The following WDR70 variants were observed in gnomAD, a reference collection of about 807,000 sequenced individuals.
WDR70 encodes the protein WD repeat domain 70, also known as WD repeat-containing protein 70.
In WDR70, 53 loss-of-function variants were observed where a neutral mutation model predicts 88.6. That is an observed-to-expected ratio of 0.60 (90% CI 0.48 to 0.75). WDR70 has a LOEUF of 0.75. WDR70 is among the 30% of genes least tolerant of loss of function. The pLI, the probability that WDR70 is intolerant of heterozygous loss-of-function variation, is 0.00. For synonymous variants in WDR70, 280 were observed against 270.0 expected (o/e 1.04, Z -0.36); for missense variants, 610 against 823.2 (o/e 0.74, Z 3.17).
rs1056689809 is a variant in WDR70, at chr5:37,623,594, C to A, written c.1092+18356C>A. Among the ~76,000 whole-genome samples the A allele has an allele frequency of 3.9e-5, 6 of 152,086 alleles. No homozygotes were observed. The East Asian group carries it at 1.2e-3, about 29-fold the overall frequency. Reference sequence around the variant, plus strand: ...GGAACTTTTATACTATTTCATAGAGCTCAAGTTAATACCAGCTATTATGAG... The same window carrying A: ...GGAACTTTTATACTATTTCATAGAGATCAAGTTAATACCAGCTATTATGAG... On this transcript the variant is annotated intron_variant, in intron 10 of 17. Coordinates refer to ENST00000265107, the MANE Select transcript of WDR70 (RefSeq NM_018034.4).
Position 37,605,212 on chromosome 5 carries a change from A to G in WDR70, c.1066A>G (p.Ile356Val), listed in dbSNP as rs1162819984. The change falls in exon 10 of 18, where the codon ATA (isoleucine) becomes GTA (valine). Residue 356 changes from isoleucine (I) to valine (V), a missense_variant. By Grantham distance (29) the Ile-to-Val change is conservative. Coordinates refer to ENST00000265107, the MANE Select transcript of WDR70 (RefSeq NM_018034.4). ...AGCAGCTGCCTGCCAGAATGGAAGC[A>G]TACAGATCTGGGACCGAAATTTGAC... ...LIAAACQNGS[I>V]QIWDRNLTVH... 1.9e-6 allele frequency: 3 copies of G among 1,606,568 alleles called. No homozygotes were observed. The highest frequency in any genetic ancestry group is 2.5e-6 in the Non-Finnish European group (3 of 1,176,564).
intron 17 of WDR70, among the ~76,000 whole-genome samples, chr5:37,729,781 G>A (rs1748091578): frequency 6.6e-6 from 1 of 152,132 alleles, no homozygotes; most frequent in African/African-American, 2.4e-5. Flanking sequence ...TTTTTGGAGT[G>A]TGTGAAATAT....
At chr5:37,540,741 A>G (rs1444414627) in intron 9 of WDR70, among the ~76,000 whole-genome samples, 1 of 152,212 alleles carries the variant, frequency 6.6e-6, no homozygotes, top group Non-Finnish European at 1.5e-5. Context: ...ATAATTTTAA[A>G]ATGTATTCTT....
At chr5:37,623,173 A>G (rs1295507957) in intron 10 of WDR70, among the ~76,000 whole-genome samples, 2 of 152,174 alleles carry the variant, frequency 1.3e-5, no homozygotes, top group African/African-American at 4.8e-5. Flanking sequence ...CTTTCTCACT[A>G]TGAGATTCAC....
chr5:37,614,267 C>T (rs1045373413), intron 10 of WDR70, among the ~76,000 whole-genome samples: 2 of 152,118 alleles, frequency 1.3e-5, no homozygotes, highest in African/African-American at 2.4e-5. Context: ...TTGTTGAGTC[C>T]TTCTTATGTC....
chr5:37,704,421 A>T (rs1454989665), intron 13 of WDR70, among the ~76,000 whole-genome samples: 1 of 152,234 alleles, frequency 6.6e-6, no homozygotes, highest in East Asian at 1.9e-4. Flanking sequence ...GGATGTAGAC[A>T]TATGATTGCA....
Position 37,752,603 on chromosome 5 carries a change from G to A in WDR70, c.*30G>A, listed in dbSNP as rs1304906728. The A allele has an allele frequency of 1.3e-6, 2 of 1,525,912 alleles. No individual in the cohort carries two copies. The highest frequency in any genetic ancestry group is 1.8e-6 in the Non-Finnish European group (2 of 1,105,816). 94.5% of individuals were successfully genotyped at this position (1,525,912 alleles called of 1,614,324 possible). On this transcript the variant is annotated 3_prime_UTR_variant, in exon 18 of 18. Transcript: ENST00000265107. ...TCTCATTTGAGAGCTGTTTGCATGAGTGGGAGGGGTATGGGACAGGTTTGG... is the reference window on the plus strand; with the variant it reads ...TCTCATTTGAGAGCTGTTTGCATGAATGGGAGGGGTATGGGACAGGTTTGG...
chr5:37,580,145 G>A (rs1743177900), intron 9 of WDR70, among the ~76,000 whole-genome samples: 1 of 152,066 alleles, frequency 6.6e-6, no homozygotes, highest in African/African-American at 2.4e-5. Context: ...TCTATTTAAT[G>A]AATTCACTTA....
chr5:37,453,069 A>T (rs1194719611), intron 7 of WDR70, among the ~76,000 whole-genome samples: 2 of 152,268 alleles, frequency 1.3e-5, no homozygotes, highest in East Asian at 3.8e-4. Flanking sequence ...GTCTACCAGT[A>T]TAAAAATTGA....
chr5:37,666,745 T>G (rs1409316349), intron 10 of WDR70, among the ~76,000 whole-genome samples: 2 of 152,212 alleles, frequency 1.3e-5, no homozygotes, highest in Admixed American at 1.3e-4. Context: ...ATGAGTACTA[T>G]GTACCATGTA....
chr5:37,677,719 T>C lies in WDR70; in HGVS notation c.1093-19936T>C, dbSNP rs1311743510. ...AAAAAAAATGTGTATTCTTTTGATT[T>C]GGGGTGGAAATTCTGTAGATGTCTA... On this transcript the variant is annotated intron_variant, in intron 10 of 17. Coordinates refer to ENST00000265107, the MANE Select transcript of WDR70 (RefSeq NM_018034.4). 2.0e-5 allele frequency among the ~76,000 whole-genome samples: 3 copies of C among 152,152 alleles called. No individual in the cohort carries two copies. In the East Asian group the frequency reaches 5.8e-4, roughly 29 times the overall value.
At chr5:37,551,768 G>GTTTT (rs1176757597) in intron 9 of WDR70, among the ~76,000 whole-genome samples, 49 of 92,756 alleles carry the variant, frequency 5.3e-4, no homozygotes, top group African/African-American at 1.7e-3. Flanking sequence ...TCATTGTTTA[G>GTTTT]TTTTTTTTTT....
At chr5:37,709,752 A>G (rs1344595256) in intron 13 of WDR70, among the ~76,000 whole-genome samples, 2 of 145,554 alleles carry the variant, frequency 1.4e-5, no homozygotes, top group Non-Finnish European at 3.0e-5. Context: ...TTCTTTAATC[A>G]CTGAAGAAAA....
chr5:37,732,813 G>A lies in WDR70; in HGVS notation c.1877+5768G>A, dbSNP rs970124636. Among the ~76,000 whole-genome samples, 16 of 152,024 alleles carry A rather than the reference G, an allele frequency of 1.1e-4. No individual in the cohort carries two copies. In the Middle Eastern group the frequency reaches 0.01, roughly 97 times the overall value. On this transcript the variant is annotated intron_variant, in intron 17 of 17. Coordinates refer to ENST00000265107, the MANE Select transcript of WDR70 (RefSeq NM_018034.4). The stretch of plus-strand genomic sequence containing the variant: ...TTTTTTATTTTACTTTGTTTATGGC[G>A]TTTTTCTCACGTAAAAAATTTATTT...
intron 10 of WDR70, among the ~76,000 whole-genome samples, chr5:37,665,786 G>T (rs189840731): frequency 1.3e-5 from 2 of 152,174 alleles, no homozygotes; most frequent in Admixed American, 6.5e-5. Context: ...TTGCTTTGTC[G>T]TATAGTTGGA....
intron 9 of WDR70, among the ~76,000 whole-genome samples, chr5:37,542,974 G>A (rs1741874869): frequency 6.6e-6 from 1 of 152,174 alleles, no homozygotes; most frequent in African/African-American, 2.4e-5. Context: ...CAGAAGTTAT[G>A]GTGTGTCCGT....
Position 37,469,654 on chromosome 5 carries a change from A to G in WDR70, c.687-10180A>G, listed in dbSNP as rs1371242508. Among the ~76,000 whole-genome samples the G allele has an allele frequency of 4.6e-5, 7 of 151,888 alleles. No individual in the cohort carries two copies. The East Asian group carries it at 5.8e-4, about 13-fold the overall frequency. On this transcript the variant is annotated intron_variant, in intron 7 of 17. Coordinates refer to ENST00000265107, the MANE Select transcript of WDR70 (RefSeq NM_018034.4). ...AGCAGAGTTGGGAGCAGCAGATGCTAAAGAGTAGTTGCTGTAGTTACTCTT... is the reference window on the plus strand; with the variant it reads ...AGCAGAGTTGGGAGCAGCAGATGCTGAAGAGTAGTTGCTGTAGTTACTCTT...
At chr5:37,408,330 C>A (rs2111945925) in intron 5 of WDR70, among the ~76,000 whole-genome samples, 1 of 152,102 alleles carries the variant, frequency 6.6e-6, no homozygotes, top group Admixed American at 6.5e-5. Context: ...AAAAATTAGC[C>A]AGGTGTCATG....
chr5:37,591,881 A>G (rs747526878), intron 9 of WDR70, among the ~76,000 whole-genome samples: 10 of 152,252 alleles, frequency 6.6e-5, no homozygotes, highest in Non-Finnish European at 1.3e-4. Context: ...GAAAGGATTG[A>G]AAATCAGACA....
Sources: gnomAD v4.1 joint callset for allele counts (sites outside exome capture counted in the v4.1 genomes callset) on GRCh38, gnomAD v4.1.1 for gene constraint, MANE v1.5 for transcripts, NCBI Gene and HGNC (gene_info 2026-07-23, HGNC 2026-07-21) for gene names.